LARGE1: variants seen among roughly 807,000 people sequenced by gnomAD.
LARGE1 encodes LARGE xylosyl- and glucuronyltransferase 1.
LARGE1 carries 43 observed loss-of-function variants against 87.6 expected under a neutral mutation model. That is an observed-to-expected ratio of 0.49 (90% CI 0.38 to 0.63). LARGE1 has a LOEUF of 0.63. LARGE1 is among the 30% of genes least tolerant of loss of function. LARGE1 has a pLI of 0.00. For synonymous variants in LARGE1, 434 were observed against 394.6 expected (o/e 1.10, Z -1.18); for missense variants, 802 against 1,000.2 (o/e 0.80, Z 2.67).
chr22:33,234,116 A>G (rs1926139353), intron 11 of LARGE1, among the ~76,000 whole-genome samples: 1 of 152,248 alleles, frequency 6.6e-6, no homozygotes, highest in Admixed American at 6.5e-5. Context: ...CATATCCAGC[A>G]TGTGTCAACA....
At chr22:33,121,019 GAC>G in the LARGE1 span, among the ~76,000 whole-genome samples, 1 of 151,880 alleles carries the variant, frequency 6.6e-6, no homozygotes, top group Non-Finnish European at 1.5e-5. Flanking sequence ...TTTAAAACCT[GAC>G]ATAGTTTAAG....
chr22:33,922,058 C>T (rs950071034), upstream of LARGE1, among the ~76,000 whole-genome samples: 8 of 152,076 alleles, frequency 5.3e-5, no homozygotes, highest in Non-Finnish European at 1.2e-4. Flanking sequence ...GGTCCCCTTC[C>T]CCCCGGGTCT....
intron 1 of LARGE1, among the ~76,000 whole-genome samples, chr22:33,820,227 A>G (rs2086779497): frequency 6.6e-6 from 1 of 152,212 alleles, no homozygotes; most frequent in Admixed American, 6.5e-5. Flanking sequence ...CCCCCCATAT[A>G]AGATCTGACA....
chr22:33,485,915 T>G (rs2069553260), intron 6 of LARGE1, among the ~76,000 whole-genome samples: 1 of 152,084 alleles, frequency 6.6e-6, no homozygotes, highest in South Asian at 2.1e-4. Context: ...GGGCAGAAAT[T>G]TTTGTCTGTT....
intron 6 of LARGE1, among the ~76,000 whole-genome samples, chr22:33,466,882 CA>C (rs1278243795): frequency 1.3e-5 from 2 of 151,640 alleles, no homozygotes; most frequent in South Asian, 4.1e-4. Context: ...CTACTAAAAA[CA>C]AAAAAAATTA....
intron 5 of LARGE1, among the ~76,000 whole-genome samples, chr22:33,565,846 C>T (rs1214233606): frequency 6.6e-6 from 1 of 152,168 alleles, no homozygotes; most frequent in Non-Finnish European, 1.5e-5. Flanking sequence ...CACACGGGTG[C>T]CATTTTGTGT....
intron 12 of LARGE1, among the ~76,000 whole-genome samples, chr22:33,300,462 G>A (rs11089617): frequency 0.16 from 23,853 of 152,232 alleles, 4,435 homozygotes; most frequent in African/African-American, 0.45. Context: ...TCTAGCTTCA[G>A]CTGCCTGGGC....
At chr22:33,885,685 C>A (rs1336118580) in intron 1 of LARGE1, among the ~76,000 whole-genome samples, 2 of 152,174 alleles carry the variant, frequency 1.3e-5, no homozygotes, top group Non-Finnish European at 2.9e-5. Flanking sequence ...AACCACCCAA[C>A]CTACAACTTC....
intron 2 of LARGE1, among the ~76,000 whole-genome samples, chr22:33,680,936 TA>T (rs1314976736): frequency 6.6e-6 from 1 of 152,222 alleles, no homozygotes; most frequent in East Asian, 1.9e-4. Context: ...GTATAAATGT[TA>T]CTAATACCCT....
At chr22:33,315,934 T>G in intron 11 of LARGE1, 151 bp downstream of exon 11, 1 of 917,752 alleles carries the variant, frequency 1.1e-6, no homozygotes, top group Non-Finnish European at 1.7e-6. Flanking sequence ...GGCCCAGGCT[T>G]CAATATTCTA....
chr22:33,920,734 G>T (rs1260920214), upstream of LARGE1, among the ~76,000 whole-genome samples: 3 of 144,056 alleles, frequency 2.1e-5, no homozygotes, highest in Non-Finnish European at 1.5e-5. Flanking sequence ...CCCCGCCGCC[G>T]GGAGCGCTCG....
chr22:33,574,848 T>C (rs2078306690), intron 5 of LARGE1, among the ~76,000 whole-genome samples: 1 of 152,012 alleles, frequency 6.6e-6, no homozygotes. Context: ...CAGGACCATA[T>C]GCCATACAAA....
At chr22:33,781,507 A>AAAT (rs1458138980) in intron 1 of LARGE1, among the ~76,000 whole-genome samples, 1 of 152,232 alleles carries the variant, frequency 6.6e-6, no homozygotes, top group Admixed American at 6.5e-5. Flanking sequence ...CCTTAAAAAA[A>AAAT]AATTCACACT....
At chr22:33,698,180 C>A (rs1018913455) in intron 2 of LARGE1, among the ~76,000 whole-genome samples, 4 of 152,088 alleles carry the variant, frequency 2.6e-5, no homozygotes, top group African/African-American at 4.8e-5. Flanking sequence ...TCAAGTGATT[C>A]TCTTGCCTCA....
At chr22:33,426,113 G>A (rs555772542) in intron 7 of LARGE1, among the ~76,000 whole-genome samples, 1 of 152,094 alleles carries the variant, frequency 6.6e-6, no homozygotes, top group African/African-American at 2.4e-5. Context: ...TCTAGAAAAC[G>A]CTAGTCTAGG....
intron 12 of LARGE1, among the ~76,000 whole-genome samples, chr22:33,292,086 T>A (rs1238692916): frequency 6.6e-6 from 1 of 151,998 alleles, no homozygotes; most frequent in Non-Finnish European, 1.5e-5. Flanking sequence ...AGAGTGAGAC[T>A]CTGTCTCAAA....
the LARGE1 span, among the ~76,000 whole-genome samples, chr22:33,134,883 T>C: frequency 6.6e-6 from 1 of 152,180 alleles, no homozygotes; most frequent in Non-Finnish European, 1.5e-5. Context: ...TTCTTTTATA[T>C]GTGAAGAGTC....
chr22:33,890,119 C>T (rs1012152605), intron 1 of LARGE1, among the ~76,000 whole-genome samples: 21 of 152,314 alleles, frequency 1.4e-4, no homozygotes, highest in African/African-American at 4.6e-4. Context: ...GGGGAACTAG[C>T]GACCCATGTG....
chr22:33,692,959 C>T (rs1380004563), intron 2 of LARGE1, among the ~76,000 whole-genome samples: 1 of 152,154 alleles, frequency 6.6e-6, no homozygotes, highest in Non-Finnish European at 1.5e-5. Flanking sequence ...ATGTTCACTG[C>T]AGCACTATTC....
Sources: allele counts gnomAD v4.1 joint callset (sites outside exome capture counted in the v4.1 genomes callset), GRCh38; gene constraint gnomAD v4.1.1; transcripts MANE v1.5; gene names NCBI Gene and HGNC (gene_info 2026-07-23, HGNC 2026-07-21).